PCDHGB4: variants seen among roughly 807,000 people sequenced by gnomAD.
PCDHGB4 encodes protocadherin gamma-B4.
In PCDHGB4, 38 loss-of-function variants were observed where a neutral mutation model predicts 60.5. The ratio of observed to expected loss-of-function variants is 0.63; its 90% CI spans 0.48 to 0.82. PCDHGB4 has a LOEUF of 0.82. PCDHGB4 is among the 40% of genes least tolerant of loss of function. The pLI, the probability that PCDHGB4 is intolerant of heterozygous loss-of-function variation, is 0.00. For synonymous variants in PCDHGB4, 456 were observed against 509.7 expected, an observed-to-expected ratio of 0.89 and a Z score of 1.42; for missense variants, 1,109 against 1,209.6, an observed-to-expected ratio of 0.92 and a Z score of 1.23.
At chr5:141,460,993 A>T (rs1230217075) in intron 1 of PCDHGB4, among the ~76,000 whole-genome samples, 1 of 143,898 alleles carries the variant, frequency 6.9e-6, no homozygotes, top group South Asian at 2.2e-4. Flanking sequence ...GTATATATAT[A>T]TATGTGTATA....
chr5:141,447,430 A>G (rs960560239), intron 1 of PCDHGB4, among the ~76,000 whole-genome samples: 9 of 152,156 alleles, frequency 5.9e-5, no homozygotes, highest in African/African-American at 2.2e-4. Flanking sequence ...GAGCCACCGC[A>G]CCCGGAGGAA....
At chr5:141,394,637 G>C (rs201732776) in intron 1 of PCDHGB4, 4 of 1,613,464 alleles carry the variant, frequency 2.5e-6, no homozygotes, top group African/African-American at 1.3e-5. Flanking sequence ...CCTACCGCCT[G>C]CTCAAGGCCA....
intron 1 of PCDHGB4, chr5:141,419,506 C>T (rs527369615): frequency 6.2e-7 from 1 of 1,612,352 alleles, no homozygotes; most frequent in Non-Finnish European, 8.5e-7. Context: ...TGAGCCTGCG[C>T]GTGTTGGTGG....
chr5:141,490,412 C>T lies in PCDHGB4; in HGVS notation c.2398-4395C>T, dbSNP rs2233605. 10 of 1,614,062 alleles carry T rather than the reference C, an allele frequency of 6.2e-6. No homozygotes were observed. The highest frequency in any genetic ancestry group is 4.0e-5 in the African/African-American group (3 of 74,910). Reference sequence around the variant, plus strand: ...GGTGAAGTGAGCCTTGATATCTCTCCGGACCTGCCATTTCAGATTAAGCCT... The same window carrying T: ...GGTGAAGTGAGCCTTGATATCTCTCTGGACCTGCCATTTCAGATTAAGCCT... On this transcript the variant is annotated intron_variant, in intron 1 of 3. Transcript: ENST00000519479. This position sits in a 1 kb window ranked among gnomAD's most constrained non-coding sequence, Gnocchi z 5.4.
chr5:141,394,929 G>C, intron 1 of PCDHGB4: 4 of 1,613,762 alleles, frequency 2.5e-6, no homozygotes, highest in Non-Finnish European at 3.4e-6. Flanking sequence ...TGTCTTCCTC[G>C]CCTTTGTCGC....
At chr5:141,480,722 C>T (rs1002559431) in intron 1 of PCDHGB4, among the ~76,000 whole-genome samples, 1 of 152,174 alleles carries the variant, frequency 6.6e-6, no homozygotes, top group African/African-American at 2.4e-5. Flanking sequence ...AAAGCACAGT[C>T]TCTGGGGGTG....
At chr5:141,448,263 A>G (rs2098578874) in intron 1 of PCDHGB4, among the ~76,000 whole-genome samples, 1 of 152,088 alleles carries the variant, frequency 6.6e-6, no homozygotes, top group Non-Finnish European at 1.5e-5. Flanking sequence ...ATTTTACAGT[A>G]TATATACTGT....
intron 1 of PCDHGB4, among the ~76,000 whole-genome samples, chr5:141,436,374 G>C (rs2154557079): frequency 6.6e-6 from 1 of 152,248 alleles, no homozygotes; most frequent in East Asian, 1.9e-4. Context: ...TCCAGTTTAA[G>C]CTGAATAGGC....
At chr5:141,395,009 G>A (rs371216255) in intron 1 of PCDHGB4, 168 of 1,613,918 alleles carry the variant, frequency 1.0e-4, no homozygotes, top group Non-Finnish European at 1.4e-4. Flanking sequence ...GTGGCAGATT[G>A]GTAGGCGTGC....
chr5:141,432,808 C>T lies in PCDHGB4; in HGVS notation c.2397+42527C>T, dbSNP rs1473886709. ...TCGGCAGCCTCGAGTCTCCAGCTAA[C>T]TCTGAAACCTCAGACCTCACTCTGT... On this transcript the variant is annotated intron_variant, in intron 1 of 3. Transcript: ENST00000519479. This position sits in a 1 kb window ranked among gnomAD's most constrained non-coding sequence, Gnocchi z 6.0. 6.2e-7 allele frequency: 1 copy of T among 1,613,486 alleles called. No homozygotes were observed. Among genetic ancestry groups the T allele is most frequent in the African/African-American group, 1.3e-5 (1 of 74,426 alleles).
chr5:141,389,084 T>C lies in PCDHGB4; in HGVS notation c.1200T>C (p.Tyr400=), dbSNP rs376665735. 7.4e-6 allele frequency: 12 copies of C among 1,613,880 alleles called. No homozygotes were observed. The highest frequency in any genetic ancestry group is 1.7e-5 in the Admixed American group (1 of 60,000). ...FKILTSSRNT[Y]KLVTDAVLDR... is the part of the protein sequence containing the mutation. ...TATTAACTTCTTCAAGAAACACGTA[T>C]AAATTAGTGACAGATGCTGTTCTAG... Residue 400 remains tyrosine, a synonymous_variant, in exon 1 of 4, where the codon TAT becomes TAC. Transcript: ENST00000519479.
chr5:141,462,774 A>G (rs890366708), intron 1 of PCDHGB4, among the ~76,000 whole-genome samples: 1 of 152,126 alleles, frequency 6.6e-6, no homozygotes, highest in Admixed American at 6.6e-5. Context: ...GCTTGGGGTC[A>G]TAATTTGTTG....
At chr5:141,404,241 C>T (rs960579159) in intron 1 of PCDHGB4, 9 of 1,613,576 alleles carry the variant, frequency 5.6e-6, no homozygotes, top group African/African-American at 4.0e-5. Context: ...AGAGGAACTC[C>T]GCCCCTGTCC....
rs1378746840 is a variant in PCDHGB4, at chr5:141,388,957, C to T, written c.1073C>T (p.Ala358Val). The T allele has an allele frequency of 4.3e-6, 7 of 1,613,822 alleles. No homozygotes were observed. Among genetic ancestry groups the T allele is most frequent in the Non-Finnish European group, 5.9e-6 (7 of 1,179,880 alleles). The change falls in exon 1 of 4, where the codon GCC (alanine) becomes GTC (valine). Residue 358 changes from alanine to valine, a missense_variant. Coordinates refer to ENST00000519479, the MANE Select transcript of PCDHGB4 (RefSeq NM_003736.4). ...CTACCCAACCTAATTATGGAGGACG[C>T]CGAGCTGGGAACACATATTGCTTTG... ...QSLPNLIMED[A>V]ELGTHIALLK...
At chr5:141,482,801 G>C (rs1230060558) in intron 1 of PCDHGB4, among the ~76,000 whole-genome samples, 1 of 152,176 alleles carries the variant, frequency 6.6e-6, no homozygotes, top group African/African-American at 2.4e-5. Flanking sequence ...GCCGGGTACG[G>C]TGGCTCATGC....
intron 3 of PCDHGB4, 93 bp downstream of exon 3, chr5:141,505,574 C>G: frequency 6.3e-7 from 1 of 1,593,636 alleles, no homozygotes; most frequent in South Asian, 1.1e-5. Flanking sequence ...GGATGTCAAA[C>G]CTGTGTAGTT....
At chr5:141,419,049 C>T in intron 1 of PCDHGB4, 6 of 1,613,954 alleles carry the variant, frequency 3.7e-6, no homozygotes, top group Non-Finnish European at 5.1e-6. Flanking sequence ...ATTCATTCTT[C>T]TTCTAATAAT....
intron 1 of PCDHGB4, chr5:141,404,646 C>G (rs1461001534): frequency 3.1e-6 from 5 of 1,614,208 alleles, no homozygotes; most frequent in Non-Finnish European, 3.4e-6. Flanking sequence ...ATCCTGTACC[C>G]TGCCCTCCCC....
intron 3 of PCDHGB4, 48 bp downstream of exon 3, chr5:141,505,529 T>C (rs1479433990): frequency 1.9e-6 from 3 of 1,612,066 alleles, no homozygotes; most frequent in Non-Finnish European, 2.5e-6. Context: ...CCTGGGGTTC[T>C]GGGGTGCATC....
Sources: allele counts gnomAD v4.1 joint callset (sites outside exome capture counted in the v4.1 genomes callset), GRCh38; gene constraint gnomAD v4.1.1; non-coding constraint Gnocchi (gnomAD v3.1); transcripts MANE v1.5; gene names NCBI Gene and HGNC (gene_info 2026-07-23, HGNC 2026-07-21).